The following NUDT3 variants were observed in gnomAD, a reference collection of about 807,000 sequenced individuals.
NUDT3 encodes nudix hydrolase 3.
In NUDT3, 9 loss-of-function variants were observed where a neutral mutation model predicts 23.6. The ratio of observed to expected loss-of-function variants is 0.38; its 90% confidence interval spans 0.23 to 0.66. The LOEUF (loss-of-function observed/expected upper bound fraction) is 0.66, where lower values mean the gene tolerates loss of function less well. Ranked by LOEUF, NUDT3 falls within the 30% of genes least tolerant of loss-of-function variation. The probability of loss-of-function intolerance (pLI) is 0.52; values close to 1 mark genes in which losing one functional copy is unlikely to be tolerated. For synonymous variants in NUDT3, 86 were observed against 82.6 expected (o/e 1.04, Z -0.22); for missense variants, 172 against 218.5 (o/e 0.79, Z 1.34).
intron 1 of NUDT3, among the ~76,000 whole-genome samples, chr6:34,373,837 T>C (rs1764876108): frequency 6.6e-6 from 1 of 152,174 alleles, no homozygotes; most frequent in Non-Finnish European, 1.5e-5. Context: ...TAAATACTGG[T>C]ACTGGGAGTC....
intron 2 of NUDT3, among the ~76,000 whole-genome samples, chr6:34,340,723 T>C (rs1764275088): frequency 6.6e-6 from 1 of 152,214 alleles, no homozygotes; most frequent in South Asian, 2.1e-4. Context: ...GTTCCATCTA[T>C]CAAAGAAGCA....
chr6:34,358,501 CTTA>C (rs1764598379), intron 1 of NUDT3, among the ~76,000 whole-genome samples: 1 of 152,000 alleles, frequency 6.6e-6, no homozygotes, highest in South Asian at 2.1e-4. Flanking sequence ...CATCCTATGG[CTTA>C]TTATTTCAAA....
intron 1 of NUDT3, among the ~76,000 whole-genome samples, chr6:34,382,545 C>T (rs1052996038): frequency 1.3e-5 from 2 of 152,076 alleles, no homozygotes; most frequent in African/African-American, 4.8e-5. Context: ...GTGGCTCACA[C>T]CTGTAATCCC....
chr6:34,378,524 A>G (rs938797179), intron 1 of NUDT3, among the ~76,000 whole-genome samples: 5 of 152,224 alleles, frequency 3.3e-5, no homozygotes, highest in Non-Finnish European at 7.3e-5. Context: ...ATTTATTGGA[A>G]AAAATATCAA....
intron 1 of NUDT3, among the ~76,000 whole-genome samples, chr6:34,373,430 A>G (rs1760349527): frequency 7.2e-6 from 1 of 139,514 alleles, no homozygotes; most frequent in Non-Finnish European, 1.5e-5. Context: ...AACGGTATCT[A>G]TCCTCATAAA....
intron 1 of NUDT3, among the ~76,000 whole-genome samples, chr6:34,375,591 T>C (rs1406266202): frequency 1.3e-5 from 2 of 152,188 alleles, no homozygotes; most frequent in Non-Finnish European, 1.5e-5. Flanking sequence ...GATCAGTATA[T>C]TGATTGGAAG....
chr6:34,370,020 A>G (rs1382543183), intron 1 of NUDT3, among the ~76,000 whole-genome samples: 3 of 152,228 alleles, frequency 2.0e-5, no homozygotes, highest in Non-Finnish European at 4.4e-5. Context: ...GCCCTGAAAC[A>G]TAATATTTAG....
At chr6:34,303,019 C>T (rs11969492) in intron 2 of NUDT3, among the ~76,000 whole-genome samples, 2,510 of 152,194 alleles carry the variant, frequency 0.016, 69 homozygotes, top group African/African-American at 0.058. Flanking sequence ...ACAAAAACTT[C>T]TAAGCCATTT....
At chr6:34,390,555 G>A (rs1273081984) in intron 1 of NUDT3, among the ~76,000 whole-genome samples, 2 of 151,776 alleles carry the variant, frequency 1.3e-5, no homozygotes, top group Non-Finnish European at 2.9e-5. Context: ...TTTATATTTA[G>A]AGATGGGGAT....
intron 1 of NUDT3, among the ~76,000 whole-genome samples, chr6:34,386,121 G>C (rs1256886727): frequency 1.3e-5 from 2 of 152,174 alleles, no homozygotes; most frequent in Admixed American, 1.3e-4. Flanking sequence ...CACCTGGTTG[G>C]GGTACACCAG....
At chr6:34,297,730 A>ATAT (rs1186809983) in intron 2 of NUDT3, among the ~76,000 whole-genome samples, 14 of 71,978 alleles carry the variant, frequency 1.9e-4, no homozygotes, top group South Asian at 4.9e-4. Context: ...AAAAAAAAAA[A>ATAT]ATATATATAT....
chr6:34,334,307 T>G (rs1051335360), intron 2 of NUDT3, among the ~76,000 whole-genome samples: 121 of 152,098 alleles, frequency 8.0e-4, no homozygotes, highest in African/African-American at 2.6e-3. Context: ...ATTAAGCACT[T>G]GAGATATGTG....
intron 1 of NUDT3, among the ~76,000 whole-genome samples, chr6:34,391,069 T>G (rs1215804681): frequency 2.6e-5 from 4 of 152,120 alleles, no homozygotes; most frequent in Non-Finnish European, 5.9e-5. Flanking sequence ...AACAACACAA[T>G]TCACTAACTA....
At chr6:34,371,184 C>T (rs1426057807) in intron 1 of NUDT3, among the ~76,000 whole-genome samples, 1 of 150,134 alleles carries the variant, frequency 6.7e-6, no homozygotes, top group South Asian at 2.1e-4. Context: ...ACTGAAAATG[C>T]TTTGGGCCAG....
chr6:34,356,115 A>G (rs1472138141), intron 1 of NUDT3, among the ~76,000 whole-genome samples: 1 of 152,164 alleles, frequency 6.6e-6, no homozygotes, highest in African/African-American at 2.4e-5. Flanking sequence ...ACATCTTAGG[A>G]ACCAGATACT....
At chr6:34,326,509 T>C (rs184472226) in intron 2 of NUDT3, among the ~76,000 whole-genome samples, 31 of 152,352 alleles carry the variant, frequency 2.0e-4, no homozygotes, top group Non-Finnish European at 3.1e-4. Context: ...TTAATCCATA[T>C]GCAGACATTA....
chr6:34,303,197 A>ATTTTTTTTTTTTT (rs55915428), intron 2 of NUDT3, among the ~76,000 whole-genome samples: 2 of 74,552 alleles, frequency 2.7e-5, no homozygotes, highest in African/African-American at 1.0e-4. Flanking sequence ...ATACCTGGCA[A>ATTTTTTTTTTTTT]TTTTTTTTTT....
chr6:34,345,334 G>A lies in NUDT3; in HGVS notation c.100-3362C>T, dbSNP rs575273396. Among the ~76,000 whole-genome samples the A allele has an allele frequency of 2.0e-4, 31 of 152,172 alleles. No homozygotes were observed. In the South Asian group the frequency reaches 3.7e-3, roughly 18 times the overall value. Reference sequence around the variant, plus strand: ...CAAAGTGATGGGATTGTAGGTGTGCGACCATGCCCAGCTGATCACTGTCAT... The same window carrying A: ...CAAAGTGATGGGATTGTAGGTGTGCAACCATGCCCAGCTGATCACTGTCAT... On this transcript the variant is annotated intron_variant, in intron 1 of 4. Transcript: ENST00000607016.
chr6:34,285,261 TA>T lies in NUDT3; in HGVS notation c.*3491del. ...ATGGGCTGCACTGTTTCTGGAAGAC[TA>T]CAGAAAATCTAACATGGTTGACACT... On this transcript the variant is annotated 3_prime_UTR_variant, in exon 5 of 5. Transcript: ENST00000607016. 1 of 152,342 alleles carries T rather than the reference TA, an allele frequency of 6.6e-6. No individual in the cohort carries two copies. Among genetic ancestry groups the T allele is most frequent in the Admixed American group, 6.5e-5 (1 of 15,288 alleles). The allele number at this position is 152,342 out of a possible 1,614,324, so 9.4% of individuals were successfully genotyped here.
Sources: gnomAD v4.1 joint callset for allele counts (sites outside exome capture counted in the v4.1 genomes callset) on GRCh38, gnomAD v4.1.1 for gene constraint, MANE v1.5 for transcripts, NCBI Gene and HGNC (gene_info 2026-07-23, HGNC 2026-07-21) for gene names.